SPPL3: variants seen among roughly 807,000 people sequenced by gnomAD.
SPPL3 encodes the protein signal peptide peptidase-like 3.
In SPPL3, 5 loss-of-function variants were observed where a neutral mutation model predicts 42.4. That is an observed-to-expected ratio of 0.12 (90% confidence interval 0.06 to 0.25). SPPL3 has a LOEUF of 0.25. SPPL3 is among the 10% of genes least tolerant of loss of function. The probability of loss-of-function intolerance (pLI) is 1.00; values close to 1 mark genes in which losing one functional copy is unlikely to be tolerated. For synonymous variants in SPPL3, 195 were observed against 181.8 expected (o/e 1.07, Z -0.58); for missense variants, 235 against 489.0 (o/e 0.48, Z 4.90).
At chr12:120,887,007 CCT>C (rs981958186) in intron 1 of SPPL3, among the ~76,000 whole-genome samples, 4 of 151,478 alleles carry the variant, frequency 2.6e-5, no homozygotes, top group African/African-American at 9.7e-5. Flanking sequence ...ACAGAATTAC[CCT>C]GTCACCCAGG....
At chr12:120,778,747 A>T (rs187706523) in intron 6 of SPPL3, among the ~76,000 whole-genome samples, 35 of 151,942 alleles carry the variant, frequency 2.3e-4, no homozygotes, top group Non-Finnish European at 4.4e-4. Flanking sequence ...CTAACTTGAC[A>T]CACAGACATT....
chr12:120,853,467 TGTACACAATA>T (rs1444223172), intron 1 of SPPL3, among the ~76,000 whole-genome samples: 2 of 152,184 alleles, frequency 1.3e-5, no homozygotes, highest in African/African-American at 4.8e-5. Flanking sequence ...CTTCTAAAAA[TGTACACAATA>T]GTAGCAAAAC....
intron 3 of SPPL3, 45 bp from the exon 4 acceptor site, chr12:120,784,638 G>A (rs1210689062): frequency 1.3e-6 from 2 of 1,523,968 alleles, no homozygotes; most frequent in Non-Finnish European, 8.9e-7. Flanking sequence ...TATGCACCAG[G>A]CACTGTGCCT....
intron 2 of SPPL3, among the ~76,000 whole-genome samples, chr12:120,797,111 G>A (rs1374305131): frequency 1.3e-5 from 2 of 152,192 alleles, no homozygotes; most frequent in Non-Finnish European, 2.9e-5. Context: ...AGGTGGCAGT[G>A]AGCCGAGATT....
intron 9 of SPPL3, 31 bp from the exon 10 acceptor site, chr12:120,766,403 C>T (rs1048692333): frequency 3.5e-5 from 53 of 1,535,770 alleles, no homozygotes; most frequent in Non-Finnish European, 4.3e-5. Flanking sequence ...CTGTGAGACA[C>T]GAGAGGGAAC....
intron 1 of SPPL3, among the ~76,000 whole-genome samples, chr12:120,886,108 G>A (rs1048188051): frequency 6.6e-6 from 1 of 151,126 alleles, no homozygotes; most frequent in African/African-American, 2.4e-5. Flanking sequence ...CTCCCCAAGT[G>A]CTGGGATTAC....
chr12:120,838,027 C>T lies in SPPL3; in HGVS notation c.24-27141G>A, dbSNP rs982287552. 2.0e-5 allele frequency among the ~76,000 whole-genome samples: 3 copies of T among 151,934 alleles called. No individual in the cohort carries two copies. In the South Asian group the frequency reaches 6.2e-4, roughly 32 times the overall value. ...CAGCCTAGGCGACTGAGCAAGACTT[C>T]GTCTCAAAAAATAAAAAATAAATAA... On this transcript the variant is annotated intron_variant, in intron 1 of 10. Transcript: ENST00000353487.
chr12:120,861,326 G>T (rs1872612276), intron 1 of SPPL3, among the ~76,000 whole-genome samples: 1 of 152,160 alleles, frequency 6.6e-6, no homozygotes, highest in Non-Finnish European at 1.5e-5. Flanking sequence ...GCCATAGTTT[G>T]CTTATTCTTA....
intron 1 of SPPL3, among the ~76,000 whole-genome samples, chr12:120,822,611 C>G (rs1257240483): frequency 2.0e-5 from 3 of 152,114 alleles, no homozygotes; most frequent in Admixed American, 6.5e-5. Context: ...TCCCTTACTT[C>G]TATCAGGACA....
rs763201822 is a variant in SPPL3, at chr12:120,768,508, C to A, written c.610-20G>T. The A allele has an allele frequency of 1.3e-6, 2 of 1,599,168 alleles. No homozygotes were observed. The highest frequency in any genetic ancestry group is 4.5e-5 in the East Asian group (2 of 44,634). ...AAATACCTGCCGAGTTGGAGAGATG[C>A]CTTTAACAGAGGGAGTTGGAAGCAA... On this transcript the variant is annotated intron_variant, in intron 7 of 10. Coordinates refer to ENST00000353487, the MANE Select transcript of SPPL3 (RefSeq NM_139015.5).
chr12:120,768,352 G>A lies in SPPL3; in HGVS notation c.746C>T (p.Ser249Phe). Reference sequence around the variant, plus strand: ...TGGGAAGACCAGTTTTCCAGGCAGAGACAGGCGAGGAACATCACGCCCAAC... The same window carrying A: ...TGGGAAGACCAGTTTTCCAGGCAGAAACAGGCGAGGAACATCACGCCCAAC... Reference protein sequence around the residue: ...PNVGRDVPRLSLPGKLVFPSS... With the variant: ...PNVGRDVPRLFLPGKLVFPSS... Residue 249 changes from serine (S) to phenylalanine (F), a missense_variant, in exon 8 of 11, where the codon TCT (serine) becomes TTT (phenylalanine). Physicochemically the swap from Ser to Phe is radical, Grantham distance 155. Around this residue, in one of 6 missense-constraint regions of SPPL3, gnomAD observed 20 missense variants for 66.1 expected, o/e 0.30. Coordinates refer to ENST00000353487, the MANE Select transcript of SPPL3 (RefSeq NM_139015.5). 6.2e-7 allele frequency: 1 copy of A among 1,614,030 alleles called. No homozygotes were observed.
intron 1 of SPPL3, among the ~76,000 whole-genome samples, chr12:120,884,045 G>A (rs1203512882): frequency 6.6e-6 from 1 of 150,808 alleles, no homozygotes; most frequent in African/African-American, 2.4e-5. Flanking sequence ...AGGTTGTGGT[G>A]AGCTGAGATC....
At chr12:120,864,593 C>T (rs1533811) in intron 1 of SPPL3, among the ~76,000 whole-genome samples, 13,473 of 152,140 alleles carry the variant, frequency 0.089, 1,746 homozygotes, top group African/African-American at 0.29. Flanking sequence ...TTATCACTGG[C>T]AACAAATATT....
At chr12:120,849,060 T>C (rs560553778) in intron 1 of SPPL3, among the ~76,000 whole-genome samples, 3 of 152,136 alleles carry the variant, frequency 2.0e-5, no homozygotes, top group East Asian at 3.9e-4. Context: ...GACATGCTCA[T>C]GGAGGCTGAG....
intron 1 of SPPL3, among the ~76,000 whole-genome samples, chr12:120,837,593 C>A (rs1335435741): frequency 2.0e-5 from 3 of 152,122 alleles, no homozygotes; most frequent in Non-Finnish European, 4.4e-5. Context: ...CATACAACAA[C>A]CTTCCATTTA....
chr12:120,836,126 C>T (rs2137021877), intron 1 of SPPL3, among the ~76,000 whole-genome samples: 1 of 152,146 alleles, frequency 6.6e-6, no homozygotes, highest in Non-Finnish European at 1.5e-5. Context: ...TAAAGCTGGC[C>T]ACCAAGAATG....
chr12:120,856,905 G>A (rs1199731631), intron 1 of SPPL3, among the ~76,000 whole-genome samples: 2 of 152,206 alleles, frequency 1.3e-5, no homozygotes, highest in African/African-American at 4.8e-5. Flanking sequence ...AGGAATAGCA[G>A]TTGAACTTTA....
At chr12:120,777,927 G>A (rs1008717953) in intron 6 of SPPL3, among the ~76,000 whole-genome samples, 14 of 152,132 alleles carry the variant, frequency 9.2e-5, no homozygotes, top group African/African-American at 1.9e-4. Flanking sequence ...TCCTGTCTGC[G>A]TCATCAAAGG....
intron 1 of SPPL3, among the ~76,000 whole-genome samples, chr12:120,881,846 G>A (rs1367001168): frequency 6.6e-6 from 1 of 151,788 alleles, no homozygotes; most frequent in Non-Finnish European, 1.5e-5. Context: ...TTTATATGAG[G>A]TACCTAGCAT....
Sources: gnomAD v4.1 joint callset for allele counts (sites outside exome capture counted in the v4.1 genomes callset) on GRCh38, gnomAD v4.1.1 for gene constraint, gnomAD v4.1.1 regional missense constraint, MANE v1.5 for transcripts, NCBI Gene and HGNC (gene_info 2026-07-23, HGNC 2026-07-21) for gene names.